The following PODXL variants were observed in gnomAD, a reference collection of about 807,000 sequenced individuals.
PODXL encodes podocalyxin like, also known as podocalyxin.
PODXL carries 20 observed loss-of-function variants against 48.9 expected under a neutral mutation model. That is an observed-to-expected ratio of 0.41 (90% confidence interval 0.29 to 0.59). The LOEUF (loss-of-function observed/expected upper bound fraction) is 0.59. Ranked by LOEUF, PODXL falls within the 20% of genes least tolerant of loss-of-function variation. The pLI is 0.31. For synonymous variants in PODXL, 295 were observed against 287.4 expected, an observed-to-expected ratio of 1.03 and a Z score of -0.27; for missense variants, 606 against 675.1, an observed-to-expected ratio of 0.90 and a Z score of 1.13.
chr7:131,509,076 CTT>C, intron 4 of PODXL, 48 bp from the exon 5 acceptor site: 2 of 1,489,782 alleles, frequency 1.3e-6, no homozygotes, highest in Non-Finnish European at 1.9e-6. Flanking sequence ...GTCATGGAAT[CTT>C]TGACATTTCC....
intron 1 of PODXL, among the ~76,000 whole-genome samples, chr7:131,554,328 C>T (rs956917713): frequency 5.3e-5 from 8 of 152,192 alleles, no homozygotes; most frequent in Non-Finnish European, 8.8e-5. Context: ...GATCATCATC[C>T]TCTCCCCATC....
chr7:131,529,060 G>A (rs556907462), intron 1 of PODXL, among the ~76,000 whole-genome samples: 3 of 150,086 alleles, frequency 2.0e-5, no homozygotes, highest in Non-Finnish European at 3.0e-5. Context: ...GGGGGGAAAC[G>A]GGAATGACCC....
chr7:131,547,646 T>G (rs528039624), intron 1 of PODXL, among the ~76,000 whole-genome samples: 26 of 152,286 alleles, frequency 1.7e-4, no homozygotes, highest in Non-Finnish European at 2.6e-4. Context: ...CAAAATTTTT[T>G]GTCAAAGGAA....
At chr7:131,534,549 TG>T (rs1448917583) in intron 1 of PODXL, among the ~76,000 whole-genome samples, 1 of 146,826 alleles carries the variant, frequency 6.8e-6, no homozygotes, top group Non-Finnish European at 1.5e-5. Context: ...TAGGGTGGGG[TG>T]GGGGTCAGGA....
intron 1 of PODXL, among the ~76,000 whole-genome samples, chr7:131,536,448 C>G (rs543648448): frequency 6.6e-6 from 1 of 152,256 alleles, no homozygotes; most frequent in African/African-American, 2.4e-5. Context: ...TCCCTGGCAC[C>G]TGCACAGAAC....
chr7:131,532,075 C>T (rs945866828), intron 1 of PODXL, among the ~76,000 whole-genome samples: 2 of 149,688 alleles, frequency 1.3e-5, no homozygotes, highest in Non-Finnish European at 3.0e-5. Context: ...GCACTCCAGC[C>T]TGGGCAACAA....
intron 1 of PODXL, among the ~76,000 whole-genome samples, chr7:131,533,086 G>A (rs1798310513): frequency 6.6e-6 from 1 of 152,222 alleles, no homozygotes; most frequent in Non-Finnish European, 1.5e-5. Context: ...AGAGACAGCA[G>A]GAAGGGCTGC....
At chr7:131,528,093 G>C (rs1337266030) in intron 1 of PODXL, among the ~76,000 whole-genome samples, 1 of 151,828 alleles carries the variant, frequency 6.6e-6, no homozygotes, top group Non-Finnish European at 1.5e-5. Context: ...TAGAGATGGG[G>C]TTTCACCATG....
In PODXL at chr7:131,533,748, C is replaced by T. The variant is rs192947660; in HGVS notation, c.101-22315G>A. ...TGCCCACATCCCTGCCTCAGAGGTG[C>T]CCCTCTGTAACTCCCCACTAAAGCA... On this transcript the variant is annotated intron_variant, in intron 1 of 8. Transcript: ENST00000378555. 2.8e-3 allele frequency among the ~76,000 whole-genome samples: 420 copies of T among 152,312 alleles called. 1 individual carries two copies. The highest frequency in any genetic ancestry group is 9.8e-3 in the African/African-American group (409 of 41,582).
At position 131,504,230 on chromosome 7, in the gene PODXL, T is replaced by G; in HGVS notation, c.*81A>C. ...CGGAGTTCACTCTCCCTCCCCAGTC[T>G]TTCCCTTCCCCATCCAAACGGCACT... is the stretch of plus-strand genomic sequence containing the variant. On this transcript the variant is annotated 3_prime_UTR_variant, in exon 9 of 9. Transcript: ENST00000378555. 1 of 1,203,842 alleles carries G rather than the reference T, an allele frequency of 8.3e-7. No homozygotes were observed. The highest frequency in any genetic ancestry group is 1.2e-6 in the Non-Finnish European group (1 of 829,802). 74.6% of individuals were successfully genotyped at this position (1,203,842 alleles called of 1,614,324 possible). A position where few individuals can be genotyped will look rare whatever the true frequency, so the allele number is the denominator to read the frequency against.
rs886065404 is a variant in PODXL, at chr7:131,506,524, C to G, written c.1249+55G>C. The G allele has an allele frequency of 3.8e-6, 6 of 1,570,658 alleles. No homozygotes were observed. In the African/African-American group the frequency reaches 5.4e-5, roughly 14 times the overall value. ...CACCCTCCAATGTGGCTTCTGCATG[C>G]CCCCCATTCCCACCCATGCAGGCCC... is the stretch of plus-strand genomic sequence containing the variant. On this transcript the variant is annotated intron_variant, in intron 6 of 8. Transcript: ENST00000378555.
At chr7:131,504,942 C>T (rs1478582737) in intron 8 of PODXL, among the ~76,000 whole-genome samples, 7 of 152,204 alleles carry the variant, frequency 4.6e-5, no homozygotes, top group Non-Finnish European at 1.0e-4. Flanking sequence ...CTAGAATCAT[C>T]CCTGCGGCAG....
intron 1 of PODXL, among the ~76,000 whole-genome samples, chr7:131,521,829 CG>C (rs1253263394): frequency 3.3e-5 from 5 of 152,142 alleles, no homozygotes; most frequent in African/African-American, 1.2e-4. Flanking sequence ...AGAAAACAGC[CG>C]GTGCTGAAAC....
chr7:131,505,513 G>C (rs1044011997), intron 8 of PODXL, among the ~76,000 whole-genome samples: 13 of 152,100 alleles, frequency 8.5e-5, no homozygotes, highest in African/African-American at 3.1e-4. Context: ...CGGGCGTGGT[G>C]GTGGGCACCT....
intron 1 of PODXL, among the ~76,000 whole-genome samples, chr7:131,551,290 G>A (rs113345160): frequency 4.0e-3 from 602 of 152,072 alleles, no homozygotes; most frequent in African/African-American, 0.01. Context: ...TCCTGGGTCC[G>A]GGACAGGAAA....
At chr7:131,545,108 G>T (rs1320159043) in intron 1 of PODXL, among the ~76,000 whole-genome samples, 7 of 152,186 alleles carry the variant, frequency 4.6e-5, no homozygotes, top group African/African-American at 1.7e-4. Context: ...CAGGCAACCG[G>T]CAAACAATGT....
chr7:131,546,415 G>A (rs760087072), intron 1 of PODXL, among the ~76,000 whole-genome samples: 5 of 152,158 alleles, frequency 3.3e-5, no homozygotes, highest in Non-Finnish European at 5.9e-5. Flanking sequence ...CAGGATCGGG[G>A]TGCAGGTGGC....
At chr7:131,549,261 G>A (rs1280107185) in intron 1 of PODXL, among the ~76,000 whole-genome samples, 6 of 152,162 alleles carry the variant, frequency 3.9e-5, no homozygotes, top group African/African-American at 1.4e-4. Flanking sequence ...CGTACATATT[G>A]GGAGAAGAGC....
intron 1 of PODXL, among the ~76,000 whole-genome samples, chr7:131,517,188 G>A (rs11768640): frequency 0.22 from 33,057 of 152,130 alleles, 4,009 homozygotes; most frequent in Admixed American, 0.35. Context: ...GATTTCAGTG[G>A]GGACGGACAC....
Sources: gnomAD v4.1 joint callset for allele counts (sites outside exome capture counted in the v4.1 genomes callset) on GRCh38, gnomAD v4.1.1 for gene constraint, MANE v1.5 for transcripts, NCBI Gene and HGNC (gene_info 2026-07-23, HGNC 2026-07-21) for gene names.